SUGCT: variants seen among roughly 807,000 people sequenced by gnomAD.
SUGCT encodes succinyl-CoA:glutarate-CoA transferase, also known as succinyl-CoA:glutarate CoA-transferase.
In SUGCT, 41 loss-of-function variants were observed where a neutral mutation model predicts 55.0. The ratio of observed to expected loss-of-function variants is 0.74; its 90% CI spans 0.58 to 0.97. The LOEUF (loss-of-function observed/expected upper bound fraction) is 0.97. Among genes scored for constraint, SUGCT ranks in the 50% least tolerant of loss-of-function variants. The pLI, the probability that SUGCT is intolerant of heterozygous loss-of-function variation, is 0.00. For synonymous variants in SUGCT, 187 were observed against 200.4 expected (o/e 0.93, Z 0.56); for missense variants, 568 against 547.8 (o/e 1.04, Z -0.37).
chr7:40,268,304 A>G (rs1291603413), intron 7 of SUGCT, among the ~76,000 whole-genome samples: 2 of 152,096 alleles, frequency 1.3e-5, no homozygotes, highest in Admixed American at 6.6e-5. Context: ...TTCTGTCTCT[A>G]TGGATTTGCC....
At chr7:40,741,150 G>A (rs540162880) in intron 12 of SUGCT, among the ~76,000 whole-genome samples, 5 of 151,732 alleles carry the variant, frequency 3.3e-5, no homozygotes, top group African/African-American at 1.2e-4. Context: ...TGGTGGCACA[G>A]GCCTGTAATC....
chr7:40,411,991 T>C (rs35022894), intron 9 of SUGCT, among the ~76,000 whole-genome samples: 14,900 of 152,258 alleles, frequency 0.098, 893 homozygotes, highest in Non-Finnish European at 0.15. Context: ...CAGGGCATTT[T>C]TTCCTGCCTC....
chr7:40,382,202 C>A (rs1784910272), intron 9 of SUGCT, among the ~76,000 whole-genome samples: 1 of 152,018 alleles, frequency 6.6e-6, no homozygotes, highest in African/African-American at 2.4e-5. Flanking sequence ...GGGCATGTGG[C>A]TTTTCTGATA....
intron 12 of SUGCT, among the ~76,000 whole-genome samples, chr7:40,509,593 A>G (rs1792810885): frequency 6.6e-6 from 1 of 152,034 alleles, no homozygotes; most frequent in Non-Finnish European, 1.5e-5. Flanking sequence ...GGTTTTTTTT[A>G]CATTCTCTCT....
At chr7:40,605,369 A>G (rs1339268670) in intron 12 of SUGCT, among the ~76,000 whole-genome samples, 1 of 152,200 alleles carries the variant, frequency 6.6e-6, no homozygotes, top group African/African-American at 2.4e-5. Context: ...ACAAAGAATT[A>G]CCTAGTAACT....
intron 9 of SUGCT, among the ~76,000 whole-genome samples, chr7:40,364,783 CA>C (rs1362991995): frequency 6.6e-6 from 1 of 151,892 alleles, no homozygotes; most frequent in Non-Finnish European, 1.5e-5. Flanking sequence ...GCTTACCAAC[CA>C]AAAAGAGTCC....
chr7:40,629,981 C>T (rs1343487789), intron 12 of SUGCT, among the ~76,000 whole-genome samples: 1 of 152,138 alleles, frequency 6.6e-6, no homozygotes, highest in East Asian at 1.9e-4. Context: ...AAGCCTAGCA[C>T]TTCAGGAGAG....
At chr7:40,354,373 A>G (rs1414476638) in intron 9 of SUGCT, among the ~76,000 whole-genome samples, 6 of 152,160 alleles carry the variant, frequency 3.9e-5, no homozygotes, top group Admixed American at 3.9e-4. Context: ...CATACAGCCA[A>G]AGGGACAAGA....
intron 12 of SUGCT, among the ~76,000 whole-genome samples, chr7:40,597,112 T>G (rs1371605537): frequency 6.6e-6 from 1 of 152,230 alleles, no homozygotes; most frequent in Non-Finnish European, 1.5e-5. Flanking sequence ...AGATAGGAAC[T>G]AGAACTTATA....
At chr7:40,509,781 GTTC>G (rs1402866636) in intron 12 of SUGCT, among the ~76,000 whole-genome samples, 2 of 152,058 alleles carry the variant, frequency 1.3e-5, no homozygotes, top group Non-Finnish European at 2.9e-5. Context: ...TTTGAATTCT[GTTC>G]TTCTTCCTCA....
At chr7:41,001,834 C>A in the SUGCT span, among the ~76,000 whole-genome samples, 13 of 152,136 alleles carry the variant, frequency 8.5e-5, no homozygotes, top group Non-Finnish European at 1.5e-4. Flanking sequence ...CATTTAGGAC[C>A]TAACAGGGAT....
chr7:40,398,098 C>T (rs1410995436), intron 9 of SUGCT, among the ~76,000 whole-genome samples: 1 of 151,972 alleles, frequency 6.6e-6, no homozygotes, highest in Non-Finnish European at 1.5e-5. Context: ...TTTTTCTTTT[C>T]TTTTCTTTTT....
At chr7:40,319,390 A>AT (rs1407880347) in intron 9 of SUGCT, among the ~76,000 whole-genome samples, 1 of 152,122 alleles carries the variant, frequency 6.6e-6, no homozygotes, top group East Asian at 1.9e-4. Context: ...TTGGGGGAAT[A>AT]TTTTTGTGGG....
At chr7:40,244,127 T>G (rs1229796817) in intron 7 of SUGCT, among the ~76,000 whole-genome samples, 1 of 152,134 alleles carries the variant, frequency 6.6e-6, no homozygotes, top group East Asian at 1.9e-4. Flanking sequence ...GAGCCCAGAT[T>G]GCGCCACTGC....
At chr7:40,142,608 T>G (rs1788045898) in intron 1 of SUGCT, among the ~76,000 whole-genome samples, 1 of 152,218 alleles carries the variant, frequency 6.6e-6, no homozygotes, top group Non-Finnish European at 1.5e-5. Context: ...TCTTTTCCAC[T>G]TACTGAACCA....
the SUGCT span, among the ~76,000 whole-genome samples, chr7:40,918,450 G>A: frequency 8.3e-6 from 1 of 119,770 alleles, no homozygotes; most frequent in African/African-American, 3.6e-5. Context: ...GACAGAGCGA[G>A]ACTCTGTCTC....
At chr7:40,517,094 A>G (rs1418538546) in intron 12 of SUGCT, among the ~76,000 whole-genome samples, 1 of 151,998 alleles carries the variant, frequency 6.6e-6, no homozygotes, top group East Asian at 1.9e-4. Flanking sequence ...ATACTATTGT[A>G]AATGAAATTT....
At chr7:40,442,296 G>T (rs1583686242) in intron 9 of SUGCT, among the ~76,000 whole-genome samples, 1 of 152,160 alleles carries the variant, frequency 6.6e-6, no homozygotes, top group Non-Finnish European at 1.5e-5. Flanking sequence ...AGTTAAAGAA[G>T]TCAGTTAGCT....
the SUGCT span, among the ~76,000 whole-genome samples, chr7:41,009,897 C>T: frequency 6.6e-6 from 1 of 152,198 alleles, no homozygotes; most frequent in Non-Finnish European, 1.5e-5. Flanking sequence ...TCACTCTCTT[C>T]GATGATATTT....
Sources: allele counts gnomAD v4.1 joint callset (sites outside exome capture counted in the v4.1 genomes callset), GRCh38; gene constraint gnomAD v4.1.1; transcripts MANE v1.5; gene names NCBI Gene and HGNC (gene_info 2026-07-23, HGNC 2026-07-21).